Variants in SMAD9 observed in about 807,000 individuals in gnomAD.
The protein encoded by SMAD9 is MAD homolog 9.
A neutral mutation model predicts 46.1 loss-of-function variants in SMAD9; 36 were observed. That is an observed-to-expected ratio of 0.78 (90% CI 0.60 to 1.03). The LOEUF (loss-of-function observed/expected upper bound fraction) is 1.03, where lower values mean the gene tolerates loss of function less well. Ranked by LOEUF, SMAD9 falls within the 50% of genes least tolerant of loss-of-function variation. The probability of loss-of-function intolerance (pLI) is 0.00; values close to 1 mark genes in which losing one functional copy is unlikely to be tolerated. For synonymous variants in SMAD9, 245 were observed against 237.1 expected, an observed-to-expected ratio of 1.03 and a Z score of -0.31; for missense variants, 572 against 599.8, an observed-to-expected ratio of 0.95 and a Z score of 0.48.
chr13:36,898,069 A>G (rs1434955782), intron 1 of SMAD9, among the ~76,000 whole-genome samples: 3 of 151,842 alleles, frequency 2.0e-5, no homozygotes, highest in African/African-American at 7.3e-5. Context: ...CGTGTTAGCC[A>G]GGATGGTCTC....
chr13:36,899,899 A>C lies in SMAD9; in HGVS notation c.-186-20024T>G, dbSNP rs117628674. Among the ~76,000 whole-genome samples the C allele has an allele frequency of 8.8e-4, 134 of 152,300 alleles. 2 individuals are homozygous for C. The East Asian group carries it at 0.024, about 28-fold the overall frequency. ...CACCACAGCCATGTTGGCCCAATTAAAACATAAGTCAGGTCACAATCTTTC... is the reference window on the plus strand; with the variant it reads ...CACCACAGCCATGTTGGCCCAATTACAACATAAGTCAGGTCACAATCTTTC... On this transcript the variant is annotated intron_variant, in intron 1 of 6. Coordinates refer to ENST00000379826, the MANE Select transcript of SMAD9 (RefSeq NM_001127217.3).
intron 1 of SMAD9, among the ~76,000 whole-genome samples, chr13:36,892,644 G>A (rs182766156): frequency 7.9e-5 from 12 of 152,108 alleles, no homozygotes; most frequent in Non-Finnish European, 1.6e-4. Flanking sequence ...CATCAGGAAC[G>A]ACGGAGCTGT....
chr13:36,887,523 G>C (rs904774739), intron 1 of SMAD9, among the ~76,000 whole-genome samples: 1 of 151,986 alleles, frequency 6.6e-6, no homozygotes, highest in Non-Finnish European at 1.5e-5. Context: ...GCGCCTGGCC[G>C]ACTTGATCAT....
chr13:36,898,003 C>T (rs2058543271), intron 1 of SMAD9, among the ~76,000 whole-genome samples: 1 of 151,780 alleles, frequency 6.6e-6, no homozygotes, highest in Non-Finnish European at 1.5e-5. Flanking sequence ...ACTACAGGCG[C>T]CCGCCACCAC....
chr13:36,903,426 G>A (rs528649917), intron 1 of SMAD9, among the ~76,000 whole-genome samples: 1 of 152,252 alleles, frequency 6.6e-6, no homozygotes, highest in Admixed American at 6.5e-5. Flanking sequence ...CACCCGGCCT[G>A]GAGGGGCCAT....
At chr13:36,875,447 C>A (rs1180457381) in intron 2 of SMAD9, among the ~76,000 whole-genome samples, 1 of 152,172 alleles carries the variant, frequency 6.6e-6, no homozygotes, top group African/African-American at 2.4e-5. Context: ...CTTTTCTAAG[C>A]TATTGTATAC....
At chr13:36,854,407 G>GCCT (rs1382574250) in intron 5 of SMAD9, among the ~76,000 whole-genome samples, 1 of 150,636 alleles carries the variant, frequency 6.6e-6, no homozygotes, top group South Asian at 2.1e-4. Flanking sequence ...TCGCTCTGTC[G>GCCT]CCTAGGCTGG....
rs529135566 is a variant in SMAD9, at chr13:36,907,022, T to C, written c.-187+13094A>G. On this transcript the variant is annotated intron_variant, in intron 1 of 6. Coordinates refer to ENST00000379826, the MANE Select transcript of SMAD9 (RefSeq NM_001127217.3). The stretch of plus-strand genomic sequence containing the variant: ...ACAAATGAATGAATGAACAAATTGT[T>C]ATATATATACAATAAAATACTACAC... 2.0e-5 allele frequency among the ~76,000 whole-genome samples: 3 copies of C among 150,792 alleles called. No individual in the cohort carries two copies. The South Asian group carries it at 6.2e-4, about 31-fold the overall frequency.
chr13:36,916,629 A>C (rs550559647), intron 1 of SMAD9, among the ~76,000 whole-genome samples: 139 of 152,292 alleles, frequency 9.1e-4, no homozygotes, highest in African/African-American at 3.2e-3. Flanking sequence ...CATTCAGAGA[A>C]TAAAAAAGGT....
intron 1 of SMAD9, among the ~76,000 whole-genome samples, chr13:36,910,057 C>T (rs964381878): frequency 8.6e-5 from 13 of 151,866 alleles, no homozygotes; most frequent in African/African-American, 3.1e-4. Flanking sequence ...ATTATCCGGG[C>T]GTGGTGGCGG....
rs1309617197 is a variant in SMAD9 at position 36,865,732 on chromosome 13, G to A, written c.808C>T (p.Pro270Ser). The change falls in exon 5 of 7, where the codon CCC becomes TCC. Residue 270 changes from proline (P) to serine (S), a missense_variant. By Grantham distance (74) the Pro-to-Ser change is moderately conservative (BLOSUM62 -1). Transcript: ENST00000379826. ...GDFRPVCYEE[P>S]QHWCSVAYYE... ...TAGGCGACCGAGCACCAGTGCTGGG[G>A]CTCCTCGTAACAAACTGGTCGAAAG... is the stretch of plus-strand genomic sequence containing the variant. 1 of 1,614,056 alleles carries A rather than the reference G, an allele frequency of 6.2e-7. No individual in the cohort carries two copies. Among genetic ancestry groups the A allele is most frequent in the Admixed American group, 1.7e-5 (1 of 60,014 alleles).
chr13:36,891,909 G>A (rs2058491719), intron 1 of SMAD9, among the ~76,000 whole-genome samples: 1 of 152,126 alleles, frequency 6.6e-6, no homozygotes, highest in Non-Finnish European at 1.5e-5. Flanking sequence ...AGATTCTTAA[G>A]GTTGGGAAAG....
At chr13:36,849,638 A>C (rs2058059215) in intron 6 of SMAD9, 1 of 150,862 alleles carries the variant, frequency 6.6e-6, no homozygotes, top group Non-Finnish European at 1.5e-5. Context: ...CCCCACTAAA[A>C]CCTGCAACCC....
chr13:36,891,812 C>A (rs2058490947), intron 1 of SMAD9, among the ~76,000 whole-genome samples: 1 of 152,240 alleles, frequency 6.6e-6, no homozygotes. Context: ...TCCTGCTGCA[C>A]TATCATTCGT....
At chr13:36,896,121 T>TTATG (rs2058526059) in intron 1 of SMAD9, among the ~76,000 whole-genome samples, 1 of 94,584 alleles carries the variant, frequency 1.1e-5, no homozygotes, top group African/African-American at 3.7e-5. Flanking sequence ...ATTTATTTAT[T>TTATG]TATTTATTTA....
chr13:36,884,289 G>A (rs1328534624), intron 1 of SMAD9, among the ~76,000 whole-genome samples: 2 of 152,132 alleles, frequency 1.3e-5, no homozygotes, highest in African/African-American at 4.8e-5. Flanking sequence ...TCCTGTGTTT[G>A]AAACCATTGG....
At chr13:36,867,820 G>C (rs17216781) in intron 3 of SMAD9, among the ~76,000 whole-genome samples, 2,163 of 152,266 alleles carry the variant, frequency 0.014, 13 homozygotes, top group Non-Finnish European at 0.024. Context: ...CTATCCCTGA[G>C]ATACTTCAAG....
intron 1 of SMAD9, among the ~76,000 whole-genome samples, chr13:36,913,201 T>C (rs532808175): frequency 4.9e-4 from 75 of 152,334 alleles, no homozygotes; most frequent in African/African-American, 1.7e-3. Flanking sequence ...TAAACCCAAA[T>C]AGATTACAGT....
At chr13:36,900,343 T>G (rs1311194272) in intron 1 of SMAD9, among the ~76,000 whole-genome samples, 4 of 152,066 alleles carry the variant, frequency 2.6e-5, no homozygotes, top group Non-Finnish European at 5.9e-5. Flanking sequence ...TGCCGTGGCG[T>G]GATCTCTGCT....
Sources: gnomAD v4.1 joint callset for allele counts (sites outside exome capture counted in the v4.1 genomes callset) on GRCh38, gnomAD v4.1.1 for gene constraint, MANE v1.5 for transcripts, NCBI Gene and HGNC (gene_info 2026-07-23, HGNC 2026-07-21) for gene names.